The following OSBPL5 variants were observed in gnomAD, a reference collection of about 807,000 sequenced individuals.
OSBPL5 encodes the protein oxysterol-binding protein-related protein 5.
OSBPL5 carries 71 observed loss-of-function variants against 111.2 expected under a neutral mutation model. That is an observed-to-expected ratio of 0.64 (90% CI 0.53 to 0.78). The LOEUF (loss-of-function observed/expected upper bound fraction) is 0.78. Among genes scored for constraint, OSBPL5 ranks in the 30% least tolerant of loss-of-function variants. OSBPL5 has a pLI of 0.00. For missense variants in OSBPL5, 1,210 were observed against 1,189.3 expected (o/e 1.02, Z -0.26); for synonymous variants, 549 against 513.9 (o/e 1.07, Z -0.93).
At chr11:3,145,955 C>G (rs1032103905) in intron 1 of OSBPL5, among the ~76,000 whole-genome samples, 3 of 152,180 alleles carry the variant, frequency 2.0e-5, no homozygotes, top group Admixed American at 6.5e-5. Flanking sequence ...CCCGGGGTCA[C>G]AATCGGCAAA....
chr11:3,127,420 G>A (rs565660082), intron 2 of OSBPL5, among the ~76,000 whole-genome samples: 3 of 152,370 alleles, frequency 2.0e-5, no homozygotes, highest in African/African-American at 7.2e-5. Flanking sequence ...TGACAGCCCT[G>A]GGCAGGGACT....
At chr11:3,100,307 A>G (rs1857409171) in intron 13 of OSBPL5, 51 bp from the exon 14 acceptor site, 1 of 1,526,396 alleles carries the variant, frequency 6.6e-7, no homozygotes, top group Non-Finnish European at 9.0e-7. Flanking sequence ...GCCCTTTCAC[A>G]TCTGAGGCCA....
intron 14 of OSBPL5, among the ~76,000 whole-genome samples, chr11:3,099,114 T>C (rs1177857826): frequency 6.6e-6 from 1 of 152,210 alleles, no homozygotes; most frequent in Non-Finnish European, 1.5e-5. Context: ...GAGGAATCTT[T>C]AAGTGCATAT....
rs1164732391 is a variant in OSBPL5 at position 3,154,682 on chromosome 11, C to T, written c.-22+10534G>A. On this transcript the variant is annotated intron_variant, in intron 1 of 21. Transcript: ENST00000263650. This position sits in a 1 kb window ranked among gnomAD's most constrained non-coding sequence, Gnocchi z 4.9. Reference sequence around the variant, plus strand: ...TGCGGGGGCCCCAGGGTTAGTCTGACTGCTCCACTACCCATGGTTATGGGC... The same window carrying T: ...TGCGGGGGCCCCAGGGTTAGTCTGATTGCTCCACTACCCATGGTTATGGGC... Among the ~76,000 whole-genome samples the T allele has an allele frequency of 6.6e-6, 1 of 152,188 alleles. No individual in the cohort carries two copies. The highest frequency in any genetic ancestry group is 2.4e-5 in the African/African-American group (1 of 41,430).
chr11:3,148,523 C>A (rs1005132396), intron 1 of OSBPL5, among the ~76,000 whole-genome samples: 1 of 152,216 alleles, frequency 6.6e-6, no homozygotes, highest in African/African-American at 2.4e-5. Context: ...CTCTTTCCAG[C>A]GGCTGTCCAG....
intron 17 of OSBPL5, 90 bp downstream of exon 17, chr11:3,093,437 C>T: frequency 1.3e-6 from 2 of 1,539,268 alleles, no homozygotes; most frequent in South Asian, 1.2e-5. Flanking sequence ...ATCCTGGGGC[C>T]ATGCTCACAG....
At chr11:3,120,343 C>T in intron 6 of OSBPL5, 78 bp downstream of exon 6, 8 of 1,522,938 alleles carry the variant, frequency 5.3e-6, no homozygotes, top group Non-Finnish European at 7.1e-6. Context: ...TGGTTGGCTC[C>T]ACCCTCCACC....
intron 1 of OSBPL5, among the ~76,000 whole-genome samples, chr11:3,144,088 G>A (rs1269547065): frequency 1.3e-5 from 2 of 152,170 alleles, no homozygotes; most frequent in Non-Finnish European, 2.9e-5. Context: ...ATCCTCAGGG[G>A]GTCCCACAGC....
chr11:3,110,004 C>T lies in OSBPL5; in HGVS notation c.692-2059G>A, dbSNP rs138974544. Among the ~76,000 whole-genome samples, 369 of 152,292 alleles carry T rather than the reference C, an allele frequency of 2.4e-3. No individual in the cohort carries two copies. Among genetic ancestry groups the T allele is most frequent in the Admixed American group, 3.6e-3 (55 of 15,308 alleles). Reference sequence around the variant, plus strand: ...GCCTTATCTGATGGTTGGTTATCCACCTCACCCAGGAGCACAGAGGCTGTG... The same window carrying T: ...GCCTTATCTGATGGTTGGTTATCCATCTCACCCAGGAGCACAGAGGCTGTG... On this transcript the variant is annotated intron_variant, in intron 7 of 21. Transcript: ENST00000263650. The surrounding 1 kb of genome is among the most constrained non-coding windows in gnomAD (Gnocchi z 5.3).
Position 3,120,110 on chromosome 11 carries a change from G to A in OSBPL5, c.606+311C>T. On this transcript the variant is annotated intron_variant, in intron 6 of 21. Coordinates refer to ENST00000263650, the MANE Select transcript of OSBPL5 (RefSeq NM_020896.4). Reference sequence around the variant, plus strand: ...GGCAGGGCAGCCCCGGGTTAGGAGGGGTGAGGGCTGGGCGCTGTTCCTCGG... The same window carrying A: ...GGCAGGGCAGCCCCGGGTTAGGAGGAGTGAGGGCTGGGCGCTGTTCCTCGG... 10 of 511,236 alleles carry A rather than the reference G, an allele frequency of 2.0e-5. 1 individual carries two copies. In the South Asian group the frequency reaches 2.3e-4, roughly 12 times the overall value. 31.7% of individuals were successfully genotyped at this position (511,236 alleles called of 1,614,324 possible).
intron 14 of OSBPL5, among the ~76,000 whole-genome samples, chr11:3,096,805 A>G (rs1476510115): frequency 2.0e-5 from 3 of 151,936 alleles, no homozygotes; most frequent in African/African-American, 7.3e-5. Context: ...GTACTTTGAT[A>G]TATGTTTGAA....
intron 1 of OSBPL5, among the ~76,000 whole-genome samples, chr11:3,151,011 A>G (rs1030049590): frequency 6.6e-6 from 1 of 152,096 alleles, no homozygotes; most frequent in Admixed American, 6.5e-5. Context: ...TGTGACCCTG[A>G]CCTTGGAAAG....
At chr11:3,159,259 G>C (rs1448726646) in intron 1 of OSBPL5, among the ~76,000 whole-genome samples, 1 of 152,170 alleles carries the variant, frequency 6.6e-6, no homozygotes, top group Non-Finnish European at 1.5e-5. Flanking sequence ...AGGTGTCCCT[G>C]GGGCTGGGGG....
intron 13 of OSBPL5, among the ~76,000 whole-genome samples, chr11:3,100,971 CTTTTTTTT>C (rs1196891233): frequency 8.1e-6 from 1 of 123,434 alleles, no homozygotes; most frequent in Non-Finnish European, 1.7e-5. Context: ...AGTTTCATTT[CTTTTTTTT>C]TTTTTTTTTT....
At chr11:3,103,572 C>A (rs987561703) in intron 10 of OSBPL5, among the ~76,000 whole-genome samples, 6 of 152,122 alleles carry the variant, frequency 3.9e-5, no homozygotes, top group African/African-American at 2.4e-5. Flanking sequence ...TGCCAGGGTG[C>A]CCCTGTCTCC....
In OSBPL5 at chr11:3,121,353, C is replaced by T. The variant is rs1012381634; in HGVS notation, c.402+644G>A. ...GATTACAGGTGTGAGCCACTGCACC[C>T]GGCCTGGCAGCTCTGTAAATTCTGA... On this transcript the variant is annotated intron_variant, in intron 5 of 21. Coordinates refer to ENST00000263650, the MANE Select transcript of OSBPL5 (RefSeq NM_020896.4). This position sits in a 1 kb window ranked among gnomAD's most constrained non-coding sequence, Gnocchi z 4.3. Among the ~76,000 whole-genome samples the T allele has an allele frequency of 2.6e-5, 4 of 152,152 alleles. No individual in the cohort carries two copies. Among genetic ancestry groups the T allele is most frequent in the Admixed American group, 6.5e-5 (1 of 15,270 alleles).
At chr11:3,102,798 TACA>T (rs1211920193) in intron 11 of OSBPL5, among the ~76,000 whole-genome samples, 2 of 152,308 alleles carry the variant, frequency 1.3e-5, no homozygotes, top group African/African-American at 4.8e-5. Flanking sequence ...TCTTGCTCAC[TACA>T]ACGAGAGCAG....
rs774705552 is a variant in OSBPL5, at chr11:3,104,990, G to A, written c.1060-613C>T. 6.6e-6 allele frequency among the ~76,000 whole-genome samples: 1 copy of A among 152,048 alleles called. No individual in the cohort carries two copies. Among genetic ancestry groups the A allele is most frequent in the Admixed American group, 6.5e-5 (1 of 15,280 alleles). On this transcript the variant is annotated intron_variant, in intron 9 of 21. Coordinates refer to ENST00000263650, the MANE Select transcript of OSBPL5 (RefSeq NM_020896.4). This position sits in a 1 kb window ranked among gnomAD's most constrained non-coding sequence, Gnocchi z 5.0. ...CTTCCGAAGCCTGTGTGCCCCTCAC[G>A]AAGGCCCCCTCATCTCTTCCTTTTC... is the stretch of plus-strand genomic sequence containing the variant.
At chr11:3,131,615 CCATCTGT>C (rs1187591232) in intron 1 of OSBPL5, among the ~76,000 whole-genome samples, 1 of 90,564 alleles carries the variant, frequency 1.1e-5, no homozygotes, top group Non-Finnish European at 2.6e-5. Context: ...ACCCATTCAT[CCATCTGT>C]CTATTCATCC....
Sources: gnomAD v4.1 joint callset for allele counts (sites outside exome capture counted in the v4.1 genomes callset) on GRCh38, gnomAD v4.1.1 for gene constraint, Gnocchi (gnomAD v3.1) non-coding constraint, MANE v1.5 for transcripts, NCBI Gene and HGNC (gene_info 2026-07-23, HGNC 2026-07-21) for gene names.